RAPGEF5: variants seen among roughly 807,000 people sequenced by gnomAD.
The protein encoded by RAPGEF5 is Rap guanine nucleotide exchange factor 5.
A neutral mutation model predicts 125.2 loss-of-function variants in RAPGEF5; 65 were observed. That is an observed-to-expected ratio of 0.52 (90% CI 0.43 to 0.64). The LOEUF is 0.64. Ranked by LOEUF, RAPGEF5 falls within the 30% of genes least tolerant of loss-of-function variation. The pLI, the probability that RAPGEF5 is intolerant of heterozygous loss-of-function variation, is 0.00. For synonymous variants in RAPGEF5, 391 were observed against 385.9 expected (o/e 1.01, Z -0.16); for missense variants, 958 against 1,048.1 (o/e 0.91, Z 1.19).
At chr7:22,306,503 C>G (rs1783345156) in intron 5 of RAPGEF5, among the ~76,000 whole-genome samples, 1 of 152,126 alleles carries the variant, frequency 6.6e-6, no homozygotes, top group Admixed American at 6.5e-5. Context: ...AATATTTTCT[C>G]CCATTCTGTG....
intron 6 of RAPGEF5, among the ~76,000 whole-genome samples, chr7:22,282,475 C>T (rs1196543636): frequency 1.3e-5 from 2 of 152,160 alleles, no homozygotes; most frequent in East Asian, 1.9e-4. Flanking sequence ...CCCTACCCAA[C>T]CTGTTAAAAT....
At chr7:22,212,935 A>G (rs1306147526) in intron 9 of RAPGEF5, among the ~76,000 whole-genome samples, 1 of 152,248 alleles carries the variant, frequency 6.6e-6, no homozygotes, top group African/African-American at 2.4e-5. Flanking sequence ...TGCAGATGAT[A>G]TGGCTATTTT....
At chr7:22,133,582 GT>G (rs1365241645) in intron 23 of RAPGEF5, among the ~76,000 whole-genome samples, 11 of 152,176 alleles carry the variant, frequency 7.2e-5, no homozygotes, top group Middle Eastern at 3.4e-3. Flanking sequence ...ACATCCAAGA[GT>G]CCCAACATTC....
intron 7 of RAPGEF5, among the ~76,000 whole-genome samples, chr7:22,232,057 C>A (rs1562773797): frequency 6.6e-6 from 1 of 152,044 alleles, no homozygotes; most frequent in South Asian, 2.1e-4. Flanking sequence ...TGGCAATGAG[C>A]AGGAGAAACA....
chr7:22,200,284 T>G (rs1171370226), intron 9 of RAPGEF5, among the ~76,000 whole-genome samples: 1 of 152,208 alleles, frequency 6.6e-6, no homozygotes, highest in African/African-American at 2.4e-5. Context: ...ATCTCATGAT[T>G]CTTTTTCTCA....
At chr7:22,343,064 T>C (rs1784158235) in intron 1 of RAPGEF5, among the ~76,000 whole-genome samples, 1 of 152,164 alleles carries the variant, frequency 6.6e-6, no homozygotes, top group Non-Finnish European at 1.5e-5. Context: ...CTGGGCAATT[T>C]ACAAAAGAAA....
intron 19 of RAPGEF5, among the ~76,000 whole-genome samples, chr7:22,145,774 T>A (rs1199016739): frequency 6.6e-6 from 1 of 152,204 alleles, no homozygotes; most frequent in African/African-American, 2.4e-5. Context: ...CAAGTCCCGC[T>A]GATGATGCTG....
intron 7 of RAPGEF5, among the ~76,000 whole-genome samples, chr7:22,256,895 TA>T (rs1225414266): frequency 1.3e-5 from 2 of 152,220 alleles, no homozygotes; most frequent in African/African-American, 4.8e-5. Flanking sequence ...TCACATCCAC[TA>T]AGGTTCGCTC....
chr7:22,343,935 C>G (rs1784175713), intron 1 of RAPGEF5, among the ~76,000 whole-genome samples: 1 of 152,074 alleles, frequency 6.6e-6, no homozygotes, highest in Admixed American at 6.5e-5. Context: ...AAAAACATTG[C>G]TAGGCAATTG....
chr7:22,198,179 C>T (rs79720362), intron 9 of RAPGEF5, among the ~76,000 whole-genome samples: 2,883 of 152,242 alleles, frequency 0.019, 91 homozygotes, highest in African/African-American at 0.066. Flanking sequence ...TCTAAGAATA[C>T]ATTTCAATTG....
chr7:22,317,733 T>G (rs111883441), intron 2 of RAPGEF5, among the ~76,000 whole-genome samples: 3 of 152,334 alleles, frequency 2.0e-5, no homozygotes, highest in African/African-American at 7.2e-5. Flanking sequence ...AATTCATTCA[T>G]GTAAAGAACC....
At chr7:22,226,715 C>T in intron 8 of RAPGEF5, among the ~76,000 whole-genome samples, 1 of 152,110 alleles carries the variant, frequency 6.6e-6, no homozygotes, top group Non-Finnish European at 1.5e-5. Flanking sequence ...CATCAGGGAG[C>T]TTTAGAAATC....
At position 22,255,611 on chromosome 7, in the gene RAPGEF5, C is replaced by G. The variant is rs569433342; in HGVS notation, c.796+11353G>C. Among the ~76,000 whole-genome samples, 6 of 151,818 alleles carry G rather than the reference C, an allele frequency of 4.0e-5. No homozygotes were observed. In the East Asian group the frequency reaches 1.2e-3, roughly 30 times the overall value. On this transcript the variant is annotated intron_variant, in intron 7 of 25. Transcript: ENST00000665637. ...CTCAAAACAAAACCAAAACCAAAAC[C>G]AAAAACACAATAGGCTAAACCATTT...
intron 8 of RAPGEF5, among the ~76,000 whole-genome samples, chr7:22,226,373 T>C (rs554504370): frequency 1.4e-4 from 21 of 152,324 alleles, no homozygotes; most frequent in South Asian, 8.3e-4. Flanking sequence ...TGAGCTTAGA[T>C]GATAAATTAT....
intron 7 of RAPGEF5, among the ~76,000 whole-genome samples, chr7:22,255,306 T>C (rs1315257126): frequency 1.3e-5 from 2 of 152,186 alleles, no homozygotes; most frequent in African/African-American, 4.8e-5. Flanking sequence ...CACAATAAGC[T>C]AGCTGGGCAC....
At chr7:22,230,025 C>T (rs185775006) in intron 8 of RAPGEF5, among the ~76,000 whole-genome samples, 5 of 152,250 alleles carry the variant, frequency 3.3e-5, no homozygotes, top group African/African-American at 4.8e-5. Flanking sequence ...TTCAAACAGA[C>T]ATTTACCCAT....
At chr7:22,236,278 G>A (rs903186280) in intron 7 of RAPGEF5, among the ~76,000 whole-genome samples, 2 of 152,072 alleles carry the variant, frequency 1.3e-5, no homozygotes, top group Non-Finnish European at 2.9e-5. Context: ...CTGCAATACA[G>A]TTTATTCTCA....
In RAPGEF5 at chr7:22,263,848, G is replaced by A. The variant is rs532802467; in HGVS notation, c.796+3116C>T. Among the ~76,000 whole-genome samples the A allele has an allele frequency of 5.9e-5, 9 of 152,152 alleles. No individual in the cohort carries two copies. The East Asian group carries it at 1.7e-3, about 29-fold the overall frequency. ...TAAAAAATGTTTGGAAATAAAATGA[G>A]TATTAGTGGTTAGATTGGTGAGATG... On this transcript the variant is annotated intron_variant, in intron 7 of 25. Transcript: ENST00000665637.
chr7:22,294,366 A>G (rs1336908742), intron 5 of RAPGEF5, among the ~76,000 whole-genome samples: 1 of 152,174 alleles, frequency 6.6e-6, no homozygotes, highest in African/African-American at 2.4e-5. Flanking sequence ...CAATGCCCCA[A>G]GCCAGACCTG....
Sources: allele counts gnomAD v4.1 joint callset (sites outside exome capture counted in the v4.1 genomes callset), GRCh38; gene constraint gnomAD v4.1.1; transcripts MANE v1.5; gene names NCBI Gene and HGNC (gene_info 2026-07-23, HGNC 2026-07-21).